PALLD: variants seen among roughly 807,000 people sequenced by gnomAD.
The protein encoded by PALLD is palladin, cytoskeletal associated protein, also known as palladin.
In PALLD, 61 loss-of-function variants were observed where a neutral mutation model predicts 123.5. The ratio of observed to expected loss-of-function variants is 0.49; its 90% CI spans 0.40 to 0.61. PALLD has a LOEUF of 0.61. Ranked by LOEUF, PALLD falls within the 20% of genes least tolerant of loss-of-function variation. The pLI, the probability that PALLD is intolerant of heterozygous loss-of-function variation, is 0.00. For synonymous variants in PALLD, 465 were observed against 496.4 expected, an observed-to-expected ratio of 0.94 and a Z score of 0.84; for missense variants, 1,273 against 1,377.0, an observed-to-expected ratio of 0.92 and a Z score of 1.20.
chr4:168,769,314 G>A (rs938367764), intron 10 of PALLD, among the ~76,000 whole-genome samples: 19 of 152,204 alleles, frequency 1.2e-4, no homozygotes, highest in African/African-American at 1.7e-4. Flanking sequence ...TCACAGTGAC[G>A]TGGAAAACTT....
At chr4:168,871,685 A>G (rs2151083623) in intron 10 of PALLD, among the ~76,000 whole-genome samples, 1 of 152,306 alleles carries the variant, frequency 6.6e-6, no homozygotes, top group East Asian at 1.9e-4. Context: ...CATTTTGGGC[A>G]TTTAACTGTG....
chr4:168,704,972 A>G (rs999109426), intron 8 of PALLD, among the ~76,000 whole-genome samples: 1 of 152,186 alleles, frequency 6.6e-6, no homozygotes, highest in Non-Finnish European at 1.5e-5. Flanking sequence ...AGTTTGAAAT[A>G]AACTTTTAAT....
chr4:168,553,489 A>G (rs1333697776), intron 2 of PALLD, among the ~76,000 whole-genome samples: 2 of 152,250 alleles, frequency 1.3e-5, no homozygotes, highest in African/African-American at 4.8e-5. Context: ...ATTCAGAAAA[A>G]TTAAGTTACT....
intron 2 of PALLD, among the ~76,000 whole-genome samples, chr4:168,524,460 T>C (rs1763859531): frequency 6.6e-6 from 1 of 152,206 alleles, no homozygotes; most frequent in Non-Finnish European, 1.5e-5. Context: ...ACTTTTTTGT[T>C]TCTAATTTTT....
At position 168,803,224 on chromosome 4, in the gene PALLD, T is replaced by C. The variant is rs7669837; in HGVS notation, c.1965-87698T>C. On this transcript the variant is annotated intron_variant, in intron 10 of 21. Transcript: ENST00000505667. ...CGTGGCTGGGAGGCCTCGGGAATCA[T>C]ACAGTCGTGGTGGAAGTGTGAAGGG... Among the ~76,000 whole-genome samples, 778 of 152,240 alleles carry C rather than the reference T, an allele frequency of 5.1e-3. 12 individuals carry two copies. Among genetic ancestry groups the C allele is most frequent in the African/African-American group, 0.018 (743 of 41,526 alleles).
intron 2 of PALLD, among the ~76,000 whole-genome samples, chr4:168,630,602 C>A (rs1213873254): frequency 6.6e-6 from 1 of 152,178 alleles, no homozygotes; most frequent in South Asian, 2.1e-4. Flanking sequence ...ATTTCCGGAA[C>A]GCATTTTTTG....
intron 1 of PALLD, chr4:168,506,255 T>A (rs10024026): frequency 0.21 from 31,384 of 152,162 alleles, 3,170 homozygotes; most frequent in Middle Eastern, 0.24. Flanking sequence ...TCCCCCTTTT[T>A]CTACAACAGC....
At chr4:168,506,601 T>G (rs765171875) in intron 1 of PALLD, among the ~76,000 whole-genome samples, 2 of 152,206 alleles carry the variant, frequency 1.3e-5, no homozygotes, top group Non-Finnish European at 2.9e-5. Context: ...TCTTACTGCC[T>G]AATTTGGTTT....
At position 168,799,298 on chromosome 4, in the gene PALLD, G is replaced by A. The variant is rs559425354; in HGVS notation, c.1964+87375G>A. Among the ~76,000 whole-genome samples, 298 of 152,268 alleles carry A rather than the reference G, an allele frequency of 2.0e-3. 1 individual carries two copies. Among genetic ancestry groups the A allele is most frequent in the African/African-American group, 6.8e-3 (284 of 41,554 alleles). Reference sequence around the variant, plus strand: ...CATCCACAAGGACTCAAATACAGAAGTATAGAGTCCTTCTCAGGCCATATT... The same window carrying A: ...CATCCACAAGGACTCAAATACAGAAATATAGAGTCCTTCTCAGGCCATATT... On this transcript the variant is annotated intron_variant, in intron 10 of 21. Coordinates refer to ENST00000505667, the MANE Select transcript of PALLD (RefSeq NM_001166108.2).
At chr4:168,529,299 T>G (rs377492527) in intron 2 of PALLD, among the ~76,000 whole-genome samples, 14 of 151,486 alleles carry the variant, frequency 9.2e-5, no homozygotes, top group African/African-American at 2.9e-4. Flanking sequence ...ATTGTGCCAC[T>G]GCACTCCAGC....
intron 11 of PALLD, 46 bp from the exon 12 acceptor site, chr4:168,894,533 G>C: frequency 8.1e-7 from 1 of 1,232,098 alleles, no homozygotes; most frequent in Non-Finnish European, 1.2e-6. Flanking sequence ...GTACATATTT[G>C]TGATTTTTTT....
chr4:168,915,462 A>G (rs1759903810), intron 16 of PALLD, among the ~76,000 whole-genome samples: 1 of 152,220 alleles, frequency 6.6e-6, no homozygotes, highest in Non-Finnish European at 1.5e-5. Flanking sequence ...TTAATATGAA[A>G]AGGAATTTTA....
At chr4:168,807,277 GCACACACACA>G (rs72123198) in intron 10 of PALLD, among the ~76,000 whole-genome samples, 1 of 144,826 alleles carries the variant, frequency 6.9e-6, no homozygotes, top group Non-Finnish European at 1.5e-5. Context: ...ACACACACAC[GCACACACACA>G]CACACACACA....
At chr4:168,806,661 C>T (rs1740243172) in intron 10 of PALLD, among the ~76,000 whole-genome samples, 1 of 152,194 alleles carries the variant, frequency 6.6e-6, no homozygotes, top group Non-Finnish European at 1.5e-5. Flanking sequence ...AATCAGGCTG[C>T]TATTCACTTA....
intron 3 of PALLD, among the ~76,000 whole-genome samples, chr4:168,680,724 T>A (rs1376308396): frequency 6.6e-6 from 1 of 152,316 alleles, no homozygotes; most frequent in African/African-American, 2.4e-5. Flanking sequence ...TGCAATTTTT[T>A]AAGTCTGTCA....
chr4:168,896,445 G>T lies in PALLD; in HGVS notation c.2200-104G>T, dbSNP rs550161064. 1.8e-5 allele frequency: 13 copies of T among 714,356 alleles called. No homozygotes were observed. The South Asian group carries it at 2.0e-4, about 11-fold the overall frequency. 44.3% of individuals were successfully genotyped at this position (714,356 alleles called of 1,614,324 possible). A position where few individuals can be genotyped will look rare whatever the true frequency, so the allele number is the denominator to read the frequency against. On this transcript the variant is annotated intron_variant, in intron 12 of 21. Coordinates refer to ENST00000505667, the MANE Select transcript of PALLD (RefSeq NM_001166108.2). ...ACTCACAGCACCGTTACTACCAAAC[G>T]CATATTGCTAGCACAAAAGTTTCAC...
At chr4:168,541,184 C>T (rs1765575380) in intron 2 of PALLD, among the ~76,000 whole-genome samples, 1 of 152,304 alleles carries the variant, frequency 6.6e-6, no homozygotes, top group Non-Finnish European at 1.5e-5. Flanking sequence ...ATTCAGGGCT[C>T]AAGATGGGGA....
chr4:168,555,459 C>A (rs922746894), intron 2 of PALLD, among the ~76,000 whole-genome samples: 3 of 152,158 alleles, frequency 2.0e-5, no homozygotes, highest in African/African-American at 7.2e-5. Flanking sequence ...ACCTGAGCAC[C>A]GCAGCGAGCC....
At chr4:168,660,451 A>G (rs1016941097) in intron 2 of PALLD, among the ~76,000 whole-genome samples, 2 of 152,188 alleles carry the variant, frequency 1.3e-5, no homozygotes, top group African/African-American at 4.8e-5. Flanking sequence ...TTTCATGTAA[A>G]ACATCTTCTT....
Sources: allele counts gnomAD v4.1 joint callset (sites outside exome capture counted in the v4.1 genomes callset), GRCh38; gene constraint gnomAD v4.1.1; transcripts MANE v1.5; gene names NCBI Gene and HGNC (gene_info 2026-07-23, HGNC 2026-07-21).